The following PROX2 variants were observed in gnomAD, a reference collection of about 807,000 sequenced individuals.
The protein encoded by PROX2 is prospero homeobox protein 2.
In PROX2, 46 loss-of-function variants were observed where a neutral mutation model predicts 48.9. That is an observed-to-expected ratio of 0.94 (90% CI 0.74 to 1.20). PROX2 has a LOEUF of 1.20. Among genes scored for constraint, PROX2 ranks in the 50% most tolerant of loss-of-function variants. The pLI, the probability that PROX2 is intolerant of heterozygous loss-of-function variation, is 0.00. For missense variants in PROX2, 663 were observed against 719.4 expected (o/e 0.92, Z 0.90); for synonymous variants, 260 against 276.6 (o/e 0.94, Z 0.60).
chr14:74,862,191 C>G (rs115584724), intron 3 of PROX2, among the ~76,000 whole-genome samples: 1,672 of 152,160 alleles, frequency 0.011, 31 homozygotes, highest in African/African-American at 0.038. Context: ...TTTCTCTGCA[C>G]AGTGTCAATG....
intron 1 of PROX2, among the ~76,000 whole-genome samples, chr14:74,872,969 C>CT (rs967506806): frequency 6.6e-6 from 1 of 152,084 alleles, no homozygotes; most frequent in African/African-American, 2.4e-5. Context: ...GGTATTAGAC[C>CT]TGGGGGGAAT....
rs1488120065 is a variant in PROX2, at chr14:74,854,886, T to C, written c.*246A>G. 1.7e-5 allele frequency: 5 copies of C among 288,018 alleles called. No individual in the cohort carries two copies. Among genetic ancestry groups the C allele is most frequent in the Admixed American group, 1.0e-4 (2 of 19,792 alleles). 17.8% of individuals were successfully genotyped at this position (288,018 alleles called of 1,614,324 possible). A position where few individuals can be genotyped will look rare whatever the true frequency, so the allele number is the denominator to read the frequency against. On this transcript the variant is annotated 3_prime_UTR_variant, in exon 6 of 6. Transcript: ENST00000556489. ...TGGAGTTGAGCTTCAAGTCTTCTGA[T>C]TGGAAACTTGTGTTCCTTTTACAAT... is the stretch of plus-strand genomic sequence containing the variant.
intron 1 of PROX2, among the ~76,000 whole-genome samples, chr14:74,872,634 CA>C (rs1883241518): frequency 6.6e-6 from 1 of 152,208 alleles, no homozygotes; most frequent in Non-Finnish European, 1.5e-5. Flanking sequence ...TTCAGGGTAG[CA>C]CATCTCAAAG....
rs1022387174 is a variant in PROX2, at chr14:74,854,893, C to T, written c.*239G>A. The T allele has an allele frequency of 3.0e-5, 9 of 302,518 alleles. No individual in the cohort carries two copies. The highest frequency in any genetic ancestry group is 1.5e-4 in the African/African-American group (7 of 46,406). The allele number at this position is 302,518 out of a possible 1,614,324, so 18.7% of individuals were successfully genotyped here. ...GAGCTTCAAGTCTTCTGATTGGAAACTTGTGTTCCTTTTACAATATACTAC... is the reference window on the plus strand; with the variant it reads ...GAGCTTCAAGTCTTCTGATTGGAAATTTGTGTTCCTTTTACAATATACTAC... On this transcript the variant is annotated 3_prime_UTR_variant, in exon 6 of 6. Coordinates refer to ENST00000556489, the MANE Select transcript of PROX2 (RefSeq NM_001243007.2).
At chr14:74,866,376 A>AC (rs1205692733) in intron 2 of PROX2, among the ~76,000 whole-genome samples, 2 of 152,228 alleles carry the variant, frequency 1.3e-5, no homozygotes, top group Non-Finnish European at 2.9e-5. Context: ...GGATGAGGTC[A>AC]CGAAGGGAGT....
chr14:74,858,841 ATTGTGT>A (rs1282470602), intron 3 of PROX2: 43 of 133,962 alleles, frequency 3.2e-4, no homozygotes, highest in African/African-American at 2.4e-3. Flanking sequence ...AGGTTGGTGT[ATTGTGT>A]GTGTGTGTGT....
rs2091717780 is a variant in PROX2 at position 74,853,224 on chromosome 14, G to T, written c.*1908C>A. The stretch of plus-strand genomic sequence containing the variant: ...TTAAACACACACTAATGAATTTCAG[G>T]TTTGGGACAGAAGAAGGGCTGCTCT... On this transcript the variant is annotated 3_prime_UTR_variant, in exon 6 of 6. Coordinates refer to ENST00000556489, the MANE Select transcript of PROX2 (RefSeq NM_001243007.2). 1 of 152,198 alleles carries T rather than the reference G, an allele frequency of 6.6e-6. No homozygotes were observed. The highest frequency in any genetic ancestry group is 2.4e-5 in the African/African-American group (1 of 41,432). The allele number at this position is 152,198 out of a possible 1,614,324, so 9.4% of individuals were successfully genotyped here.
intron 2 of PROX2, among the ~76,000 whole-genome samples, chr14:74,868,905 C>T (rs1383476861): frequency 6.6e-6 from 1 of 152,014 alleles, no homozygotes; most frequent in Non-Finnish European, 1.5e-5. Flanking sequence ...ACTGCCTAGA[C>T]TTGAATCCCT....
intron 2 of PROX2, among the ~76,000 whole-genome samples, chr14:74,870,811 G>A (rs982171018): frequency 6.6e-6 from 1 of 152,206 alleles, no homozygotes; most frequent in East Asian, 1.9e-4. Flanking sequence ...AGGCCAAGGG[G>A]AGTGGATTGC....
intron 1 of PROX2, chr14:74,871,918 A>G (rs1185738455): frequency 2.0e-5 from 3 of 152,268 alleles, no homozygotes; most frequent in Non-Finnish European, 2.9e-5. Context: ...CCTACATGGC[A>G]GCCTTTCTCC....
At chr14:74,873,626 C>T (rs914307840) in intron 1 of PROX2, 3 of 290,602 alleles carry the variant, frequency 1.0e-5, no homozygotes, top group South Asian at 3.8e-5. Context: ...AGGTGCCAGT[C>T]GCCTCCTGAG....
chr14:74,870,627 C>T (rs1457118193), intron 2 of PROX2, among the ~76,000 whole-genome samples: 2 of 151,820 alleles, frequency 1.3e-5, no homozygotes, highest in African/African-American at 4.8e-5. Flanking sequence ...GGCAATCTTG[C>T]CTTTGTTAAT....
rs1247207594 is a variant in PROX2 at position 74,863,184 on chromosome 14, A to G, written c.651T>C (p.Ser217=). Residue 217 remains serine, a synonymous_variant, in exon 3 of 6, where the codon TCT becomes TCC. Transcript: ENST00000556489. ...GAATCTCTAGTGAAGCTGGTGCTCC[A>G]GAAGGAAGGAAACTGGGCTTCTCAG... The part of the protein sequence containing the change: ...QESEKPSFLP[S]GAPASLEILR... 2.5e-6 allele frequency: 4 copies of G among 1,613,926 alleles called. No homozygotes were observed. Among genetic ancestry groups the G allele is most frequent in the Non-Finnish European group, 3.4e-6 (4 of 1,179,902 alleles).
At position 74,876,041 on chromosome 14, in the gene PROX2, C is replaced by T. The variant is rs1038692359; in HGVS notation, c.-456G>A. 2.0e-5 allele frequency among the ~76,000 whole-genome samples: 3 copies of T among 152,240 alleles called. No individual in the cohort carries two copies. The highest frequency in any genetic ancestry group is 4.4e-5 in the Non-Finnish European group (3 of 68,044). On this transcript the variant is annotated 5_prime_UTR_variant, in exon 1 of 6. Transcript: ENST00000556489. ...AGTGCTTCTGGTTTCCCTGCTTCCT[C>T]TCCAGGCAGGCCGGGTGCCCGTGGC...
At chr14:74,862,213 T>C (rs2091799375) in intron 3 of PROX2, among the ~76,000 whole-genome samples, 1 of 150,506 alleles carries the variant, frequency 6.6e-6, no homozygotes, top group African/African-American at 2.4e-5. Context: ...TATTTTAAAT[T>C]ATTTATTGAA....
intron 5 of PROX2, chr14:74,856,343 C>A (rs968343984): frequency 6.4e-6 from 1 of 155,814 alleles, no homozygotes; most frequent in Admixed American, 6.3e-5. Context: ...TTTGAGGTGA[C>A]TTGCTATGGA....
intron 1 of PROX2, among the ~76,000 whole-genome samples, chr14:74,875,654 T>C (rs1411188480): frequency 6.6e-6 from 1 of 152,204 alleles, no homozygotes; most frequent in African/African-American, 2.4e-5. Context: ...ATACACAGTA[T>C]TATGGAGTGA....
chr14:74,856,790 C>T lies in PROX2; in HGVS notation c.1608+11G>A. The T allele has an allele frequency of 1.2e-6, 2 of 1,610,614 alleles. No homozygotes were observed. Among genetic ancestry groups the T allele is most frequent in the Non-Finnish European group, 1.7e-6 (2 of 1,176,846 alleles). ...CATCAGATCTCATGGGAACCCAGTA[C>T]ATGGTCTTACCTCAAAGTCATTTCC... On this transcript the variant is annotated intron_variant, in intron 5 of 5. Coordinates refer to ENST00000556489, the MANE Select transcript of PROX2 (RefSeq NM_001243007.2).
chr14:74,871,307 C>G (rs1883209651), intron 1 of PROX2, 70 bp from the exon 2 acceptor site: 1 of 151,954 alleles, frequency 6.6e-6, no homozygotes, highest in African/African-American at 2.4e-5. Context: ...CTCATTAACT[C>G]TTTCCCAGAT....
Sources: gnomAD v4.1 joint callset for allele counts (sites outside exome capture counted in the v4.1 genomes callset) on GRCh38, gnomAD v4.1.1 for gene constraint, MANE v1.5 for transcripts, NCBI Gene and HGNC (gene_info 2026-07-23, HGNC 2026-07-21) for gene names.